ASTN1: variants seen among roughly 807,000 people sequenced by gnomAD.
The protein encoded by ASTN1 is astrotactin-1.
A neutral mutation model predicts 140.7 loss-of-function variants in ASTN1; 41 were observed. That is an observed-to-expected ratio of 0.29 (90% CI 0.23 to 0.38). The LOEUF (loss-of-function observed/expected upper bound fraction) is 0.38, where lower values mean the gene tolerates loss of function less well. Among genes scored for constraint, ASTN1 ranks in the 10% least tolerant of loss-of-function variants. The pLI, the probability that ASTN1 is intolerant of heterozygous loss-of-function variation, is 1.00. For synonymous variants in ASTN1, 640 were observed against 652.2 expected, an observed-to-expected ratio of 0.98 and a Z score of 0.29; for missense variants, 1,479 against 1,678.8, an observed-to-expected ratio of 0.88 and a Z score of 2.08.
intron 1 of ASTN1, among the ~76,000 whole-genome samples, chr1:177,136,659 T>C (rs1682219339): frequency 6.6e-6 from 1 of 152,146 alleles, no homozygotes; most frequent in African/African-American, 2.4e-5. Flanking sequence ...TGGCTGTGGT[T>C]TTAGTCAGAC....
In ASTN1 at chr1:176,942,820, G is replaced by GTATATATATA. The variant is rs148722284; in HGVS notation, c.2377+1061_2377+1070dup. 2.7e-3 allele frequency among the ~76,000 whole-genome samples: 68 copies of GTATATATATA among 25,312 alleles called. 17 individuals are homozygous for GTATATATATA. Among genetic ancestry groups the GTATATATATA allele is most frequent in the Non-Finnish European group, 4.2e-3 (52 of 12,430 alleles). 16.6% of individuals were successfully genotyped at this position (25,312 alleles called of 152,430 possible). On this transcript the variant is annotated intron_variant, in intron 14 of 22. Coordinates refer to ENST00000361833, the MANE Select transcript of ASTN1 (RefSeq NM_004319.3). ...CCAAACCAATGTACTTTGTGTGTGT[G>GTATATATATA]TATATATATATATATGTATATATAT...
In ASTN1 at chr1:176,884,411, C is replaced by A; in HGVS notation, c.3154G>T (p.Val1052Leu). The A allele has an allele frequency of 6.2e-7, 1 of 1,614,182 alleles. No individual in the cohort carries two copies. ...CGGAGGAGGTAATCTACAATCTGCA[C>A]CCCGATTGGTGGCTCTGAGTGTTCC... ...EWEHSEPPIG[V>L]QIVDYLLRQE... The change falls in exon 19 of 23, where the codon GTG (valine) becomes TTG (leucine). Residue 1052 changes from valine to leucine, a missense_variant. Val to Leu is a conservative substitution (Grantham distance 32). Around this residue, in one of 3 missense-constraint regions of ASTN1, gnomAD observed 746 missense variants for 800.9 expected, o/e 0.93. Transcript: ENST00000361833.
At chr1:176,898,587 C>T (rs555783816) in intron 16 of ASTN1, among the ~76,000 whole-genome samples, 10 of 152,312 alleles carry the variant, frequency 6.6e-5, no homozygotes, top group South Asian at 2.1e-4. Context: ...ATAACCATCA[C>T]GTCTGTGGTA....
chr1:176,991,563 G>C (rs1231589518), intron 8 of ASTN1, among the ~76,000 whole-genome samples: 1 of 151,298 alleles, frequency 6.6e-6, no homozygotes, highest in African/African-American at 2.4e-5. Flanking sequence ...AGAACCAGGA[G>C]CCAGGCGACC....
intron 16 of ASTN1, among the ~76,000 whole-genome samples, chr1:176,916,492 G>C (rs556780899): frequency 6.6e-6 from 1 of 152,134 alleles, no homozygotes; most frequent in African/African-American, 2.4e-5. Context: ...CATTGAGGGG[G>C]GTCCCCGCAG....
intron 8 of ASTN1, among the ~76,000 whole-genome samples, chr1:176,979,779 G>A (rs1673527200): frequency 6.6e-6 from 1 of 152,152 alleles, no homozygotes; most frequent in Admixed American, 6.5e-5. Flanking sequence ...TGATATTAGT[G>A]TGATATTAGA....
intron 17 of ASTN1, among the ~76,000 whole-genome samples, chr1:176,890,851 C>A (rs868222536): frequency 6.6e-6 from 1 of 152,038 alleles, no homozygotes; most frequent in South Asian, 2.1e-4. Flanking sequence ...TGTGGCAAAA[C>A]CTCATCTCTA....
intron 7 of ASTN1, among the ~76,000 whole-genome samples, chr1:177,017,021 G>T (rs1281045108): frequency 1.3e-5 from 2 of 152,132 alleles, no homozygotes; most frequent in Non-Finnish European, 2.9e-5. Flanking sequence ...ACAAAAATGG[G>T]AGTTCTCTTT....
intron 1 of ASTN1, among the ~76,000 whole-genome samples, chr1:177,062,880 C>T (rs758679983): frequency 6.6e-6 from 1 of 152,182 alleles, no homozygotes; most frequent in Non-Finnish European, 1.5e-5. Flanking sequence ...ACAAATTCTA[C>T]AAAGCAACCC....
intron 16 of ASTN1, among the ~76,000 whole-genome samples, chr1:176,914,562 C>G (rs747787918): frequency 6.6e-6 from 1 of 152,186 alleles, no homozygotes; most frequent in Non-Finnish European, 1.5e-5. Flanking sequence ...TCCTGAAGAA[C>G]CAGTCCAGGA....
intron 1 of ASTN1, among the ~76,000 whole-genome samples, chr1:177,108,857 A>G (rs1217612771): frequency 6.6e-6 from 1 of 152,184 alleles, no homozygotes; most frequent in African/African-American, 2.4e-5. Flanking sequence ...CTGAAGTTAT[A>G]TAGTTGTAGG....
intron 7 of ASTN1, among the ~76,000 whole-genome samples, chr1:177,017,322 G>A (rs1675599365): frequency 6.6e-6 from 1 of 152,106 alleles, no homozygotes; most frequent in Non-Finnish European, 1.5e-5. Context: ...AGGTTTTGGG[G>A]ATCTCCAAAA....
chr1:177,103,584 A>G lies in ASTN1; in HGVS notation c.284-42319T>C, dbSNP rs144616101. Among the ~76,000 whole-genome samples the G allele has an allele frequency of 2.6e-3, 396 of 152,260 alleles. 5 individuals carry two copies. Among genetic ancestry groups the G allele is most frequent in the East Asian group, 0.02 (102 of 5,170 alleles). On this transcript the variant is annotated intron_variant, in intron 1 of 22. Transcript: ENST00000361833. ...AAGGAACAGCAGATACTCAATCATA[A>G]TCATGCAAATATAGCAAAACAATAG...
intron 6 of ASTN1, among the ~76,000 whole-genome samples, chr1:177,024,223 T>C (rs948389716): frequency 9.2e-5 from 14 of 152,346 alleles, no homozygotes; most frequent in African/African-American, 3.1e-4. Context: ...GGCTAATTCT[T>C]AAACACCTCT....
intron 11 of ASTN1, among the ~76,000 whole-genome samples, chr1:176,957,452 T>TTG (rs1672457196): frequency 6.6e-6 from 1 of 152,206 alleles, no homozygotes; most frequent in Non-Finnish European, 1.5e-5. Context: ...AATTTTTTCT[T>TTG]GAATAGTTAT....
chr1:176,965,188 C>T lies in ASTN1; in HGVS notation c.1573G>A (p.Glu525Lys), dbSNP rs1672824673. Reference sequence around the variant, plus strand: ...CTAAATATTTTATCAGAGGGCTGCTCTCCCAAAACCAGGTCAAAGCCTCGC... The same window carrying T: ...CTAAATATTTTATCAGAGGGCTGCTTTCCCAAAACCAGGTCAAAGCCTCGC... ...FQRGFDLVLG[E>K]QPSDKIFRFT... The change falls in exon 9 of 23, where the codon GAG becomes AAG. Residue 525 changes from glutamate (E) to lysine (K), a missense_variant. Around this residue, in one of 3 missense-constraint regions of ASTN1, gnomAD observed 729 missense variants for 860.4 expected, o/e 0.85. Coordinates refer to ENST00000361833, the MANE Select transcript of ASTN1 (RefSeq NM_004319.3). 1 of 1,614,014 alleles carries T rather than the reference C, an allele frequency of 6.2e-7. No homozygotes were observed. Among genetic ancestry groups the T allele is most frequent in the Non-Finnish European group, 8.5e-7 (1 of 1,179,896 alleles).
chr1:177,126,416 C>T (rs1334225997), intron 1 of ASTN1, among the ~76,000 whole-genome samples: 1 of 152,310 alleles, frequency 6.6e-6, no homozygotes, highest in Admixed American at 6.5e-5. Context: ...TCTCTTGCAA[C>T]TTCCAGATCA....
chr1:176,906,783 G>A (rs1187408913), intron 16 of ASTN1, among the ~76,000 whole-genome samples: 1 of 151,550 alleles, frequency 6.6e-6, no homozygotes, highest in African/African-American at 2.4e-5. Flanking sequence ...GAACCTGAGA[G>A]GCGGAGGTTG....
intron 1 of ASTN1, among the ~76,000 whole-genome samples, chr1:177,076,474 AAAG>A (rs1678918256): frequency 6.6e-6 from 1 of 151,516 alleles, no homozygotes; most frequent in African/African-American, 2.4e-5. Context: ...AAGGATGGGA[AAAG>A]AAAAGACGTT....
Sources: gnomAD v4.1 joint callset for allele counts (sites outside exome capture counted in the v4.1 genomes callset) on GRCh38, gnomAD v4.1.1 for gene constraint, gnomAD v4.1.1 regional missense constraint, MANE v1.5 for transcripts, NCBI Gene and HGNC (gene_info 2026-07-23, HGNC 2026-07-21) for gene names.